The following VPS13A variants were observed in gnomAD, a reference collection of about 807,000 sequenced individuals.
VPS13A encodes the protein vacuolar protein sorting 13 homolog A.
In VPS13A, 264 loss-of-function variants were observed where a neutral mutation model predicts 390.9. The ratio of observed to expected loss-of-function variants is 0.68; its 90% CI spans 0.61 to 0.75. The LOEUF (loss-of-function observed/expected upper bound fraction) is 0.75, where lower values mean the gene tolerates loss of function less well. Among genes scored for constraint, VPS13A ranks in the 30% least tolerant of loss-of-function variants. The pLI, the probability that VPS13A is intolerant of heterozygous loss-of-function variation, is 0.00. For missense variants in VPS13A, 3,409 were observed against 3,733.9 expected (o/e 0.91, Z 2.27); for synonymous variants, 1,231 against 1,227.1 (o/e 1.00, Z -0.07).
chr9:77,349,899 C>T (rs1831363181), intron 52 of VPS13A, among the ~76,000 whole-genome samples: 1 of 152,150 alleles, frequency 6.6e-6, no homozygotes, highest in Admixed American at 6.5e-5. Context: ...CTGCCTCGAC[C>T]TCCGAAAGTG....
chr9:77,213,429 AG>A, intron 9 of VPS13A, 115 bp downstream of exon 9: 1 of 822,210 alleles, frequency 1.2e-6, no homozygotes, highest in Non-Finnish European at 2.0e-6. Flanking sequence ...ACAATCTATT[AG>A]CAGAATTTAC....
At chr9:77,274,022 A>G (rs1263223376) in intron 24 of VPS13A, among the ~76,000 whole-genome samples, 1 of 152,196 alleles carries the variant, frequency 6.6e-6, no homozygotes, top group African/African-American at 2.4e-5. Flanking sequence ...ATTTAAGGCA[A>G]TAGCAGATAT....
chr9:77,316,375 T>G lies in VPS13A; in HGVS notation c.4832T>G (p.Leu1611Arg). The G allele has an allele frequency of 1.9e-6, 3 of 1,613,094 alleles. No homozygotes were observed. The highest frequency in any genetic ancestry group is 2.5e-6 in the Non-Finnish European group (3 of 1,179,268). The part of the protein sequence containing the change: ...KDLQVRACPF[L>R]PVKRKGKITT... ...CTCCAAGTGAGAGCCTGCCCGTTTC[T>G]TCCAGTCAAGAGAAAAGGCAAAATC... Residue 1611 changes from leucine to arginine, a missense_variant, in exon 39 of 72, where the codon CTT becomes CGT. Physicochemically the swap from Leu to Arg is moderately radical, Grantham distance 102 (BLOSUM62 -2). Transcript: ENST00000360280.
At chr9:77,327,653 A>ATTATTATTAT (rs139014781) in intron 45 of VPS13A, among the ~76,000 whole-genome samples, 4 of 151,182 alleles carry the variant, frequency 2.6e-5, no homozygotes, top group Non-Finnish European at 5.9e-5. Flanking sequence ...TATTATTATT[A>ATTATTATTAT]TATATTAATC....
rs1835330668 is a variant in VPS13A at position 77,421,271 on chromosome 9, G to C, written c.*5265G>C. 6.6e-6 allele frequency: 1 copy of C among 152,062 alleles called. No homozygotes were observed. Among genetic ancestry groups the C allele is most frequent in the African/African-American group, 2.4e-5 (1 of 41,386 alleles). 9.4% of individuals were successfully genotyped at this position (152,062 alleles called of 1,614,324 possible). On this transcript the variant is annotated 3_prime_UTR_variant, in exon 72 of 72. Coordinates refer to ENST00000360280, the MANE Select transcript of VPS13A (RefSeq NM_033305.3). ...CCTCATCCCTCTTTTATGTGTGCTTGGCTCAGTTGCCTGTTACACAGCCTC... is the reference window on the plus strand; with the variant it reads ...CCTCATCCCTCTTTTATGTGTGCTTCGCTCAGTTGCCTGTTACACAGCCTC...
intron 10 of VPS13A, among the ~76,000 whole-genome samples, chr9:77,215,346 T>C (rs904995489): frequency 4.3e-4 from 66 of 152,258 alleles, no homozygotes; most frequent in African/African-American, 1.3e-3. Flanking sequence ...ATTCTTCTTT[T>C]TGTGCCCACT....
intron 68 of VPS13A, among the ~76,000 whole-genome samples, chr9:77,396,327 C>T (rs1834116630): frequency 6.6e-6 from 1 of 152,160 alleles, no homozygotes; most frequent in Non-Finnish European, 1.5e-5. Context: ...TCTAAGCTGT[C>T]AGTATAGCCT....
intron 35 of VPS13A, among the ~76,000 whole-genome samples, chr9:77,313,213 T>C (rs921083210): frequency 1.3e-5 from 2 of 152,130 alleles, no homozygotes; most frequent in African/African-American, 4.8e-5. Context: ...TTAAAAAATA[T>C]ACAAAATTCG....
At chr9:77,182,386 G>A (rs12348961) in intron 1 of VPS13A, among the ~76,000 whole-genome samples, 3,325 of 152,270 alleles carry the variant, frequency 0.022, 35 homozygotes, top group Middle Eastern at 0.044. Flanking sequence ...GAGCCACTGC[G>A]TCCGGCCATT....
intron 24 of VPS13A, among the ~76,000 whole-genome samples, chr9:77,275,294 A>T (rs1320548228): frequency 2.6e-5 from 4 of 152,154 alleles, no homozygotes; most frequent in Non-Finnish European, 4.4e-5. Flanking sequence ...ATGTTATTTA[A>T]AAGTAGAGTA....
Position 77,359,635 on chromosome 9 carries a change from C to T in VPS13A, c.8105+233C>T, listed in dbSNP as rs756367423. 1.1e-3 allele frequency among the ~76,000 whole-genome samples: 170 copies of T among 152,052 alleles called. 1 individual carries two copies. The highest frequency in any genetic ancestry group is 1.9e-3 in the Non-Finnish European group (130 of 67,964). On this transcript the variant is annotated intron_variant, in intron 58 of 71. Transcript: ENST00000360280. ...GAGTTCGAGACCAACCTGGCCAACA[C>T]GGTGAAACCCCAACTCTACTAAAAA... is the stretch of plus-strand genomic sequence containing the variant.
At chr9:77,188,361 G>A (rs1824471928) in intron 1 of VPS13A, among the ~76,000 whole-genome samples, 1 of 152,192 alleles carries the variant, frequency 6.6e-6, no homozygotes, top group Non-Finnish European at 1.5e-5. Flanking sequence ...GTGAGAATAT[G>A]CAGTATTTGG....
chr9:77,379,239 ATT>A (rs1324201977), intron 67 of VPS13A, among the ~76,000 whole-genome samples: 21 of 122,956 alleles, frequency 1.7e-4, no homozygotes, highest in Admixed American at 1.6e-4. Context: ...TACCCAGCTA[ATT>A]TTTTTTTTTT....
At chr9:77,225,267 A>G (rs1436224140) in intron 13 of VPS13A, among the ~76,000 whole-genome samples, 1 of 152,116 alleles carries the variant, frequency 6.6e-6, no homozygotes. Context: ...ACGATTATAT[A>G]TCTTTGTATA....
At chr9:77,356,064 C>CA (rs761323435) in intron 54 of VPS13A, among the ~76,000 whole-genome samples, 6 of 152,324 alleles carry the variant, frequency 3.9e-5, no homozygotes, top group Non-Finnish European at 7.4e-5. Flanking sequence ...GAATAAAACT[C>CA]AGAGTCTACA....
At chr9:77,395,353 A>G (rs918687424) in intron 68 of VPS13A, among the ~76,000 whole-genome samples, 36 of 152,326 alleles carry the variant, frequency 2.4e-4, no homozygotes, top group Admixed American at 2.0e-4. Context: ...CAGAACACAC[A>G]TTTATAGATT....
At chr9:77,250,004 C>T in intron 20 of VPS13A, 93 bp from the exon 21 acceptor site, 1 of 1,388,418 alleles carries the variant, frequency 7.2e-7, no homozygotes, top group East Asian at 2.5e-5. Flanking sequence ...TTTATCCTCT[C>T]CTATTAACAT....
At chr9:77,255,377 TA>T (rs1564668662) in intron 22 of VPS13A, among the ~76,000 whole-genome samples, 1 of 152,162 alleles carries the variant, frequency 6.6e-6, no homozygotes. Context: ...ATTCCAGGAA[TA>T]AATCCTCTTA....
At chr9:77,210,421 A>AT (rs1048824899) in intron 6 of VPS13A, among the ~76,000 whole-genome samples, 195 bp from the exon 7 acceptor site, 12 of 125,022 alleles carry the variant, frequency 9.6e-5, no homozygotes, top group East Asian at 2.4e-4. Context: ...TTTTCTTAAC[A>AT]TTTTTTTTTG....
Sources: gnomAD v4.1 joint callset for allele counts (sites outside exome capture counted in the v4.1 genomes callset) on GRCh38, gnomAD v4.1.1 for gene constraint, MANE v1.5 for transcripts, NCBI Gene and HGNC (gene_info 2026-07-23, HGNC 2026-07-21) for gene names.